The following DMRT1 variants were observed in gnomAD, a reference collection of about 807,000 sequenced individuals.
The protein encoded by DMRT1 is doublesex and mab-3 related transcription factor 1, also known as doublesex- and mab-3-related transcription factor 1.
Under a neutral mutation model 32.3 loss-of-function variants are expected in DMRT1, and 7 were observed. The observed-to-expected ratio is 0.22, with a 90% CI of 0.12 to 0.41. The LOEUF is 0.41. Ranked by LOEUF, DMRT1 falls within the 10% of genes least tolerant of loss-of-function variation. DMRT1 has a pLI of 1.00. For missense variants in DMRT1, 625 were observed against 500.5 expected, an observed-to-expected ratio of 1.25 and a Z score of -2.37; for synonymous variants, 278 against 206.1, an observed-to-expected ratio of 1.35 and a Z score of -2.99.
intron 4 of DMRT1, among the ~76,000 whole-genome samples, chr9:938,576 C>G (rs1425648785): frequency 6.6e-6 from 1 of 152,160 alleles, no homozygotes; most frequent in African/African-American, 2.4e-5. Flanking sequence ...TATAGAAATA[C>G]AACTGATTTT....
chr9:850,525 GTTC>G, intron 2 of DMRT1, among the ~76,000 whole-genome samples: 1 of 152,282 alleles, frequency 6.6e-6, no homozygotes, highest in African/African-American at 2.4e-5. Flanking sequence ...AAAGATCATT[GTTC>G]TTCTAACCCC....
chr9:956,374 A>G (rs923140343), intron 4 of DMRT1, among the ~76,000 whole-genome samples: 4 of 152,164 alleles, frequency 2.6e-5, no homozygotes, highest in African/African-American at 9.7e-5. Context: ...ATGTACTTCA[A>G]ATGCATGTAT....
chr9:947,472 T>C (rs1202774077), intron 4 of DMRT1, among the ~76,000 whole-genome samples: 1 of 152,230 alleles, frequency 6.6e-6, no homozygotes, highest in Non-Finnish European at 1.5e-5. Flanking sequence ...TTCTAAATTA[T>C]CCTCTCTTGT....
chr9:913,257 T>C (rs938476494), intron 3 of DMRT1, among the ~76,000 whole-genome samples: 1 of 152,186 alleles, frequency 6.6e-6, no homozygotes, highest in African/African-American at 2.4e-5. Context: ...TTGTCAAACC[T>C]GAAGTAGATG....
intron 1 of DMRT1, among the ~76,000 whole-genome samples, chr9:846,519 A>G (rs760642894): frequency 3.9e-5 from 6 of 152,056 alleles, no homozygotes; most frequent in African/African-American, 7.2e-5. Flanking sequence ...TTGGCTGACT[A>G]TAGTTTTTTC....
intron 3 of DMRT1, among the ~76,000 whole-genome samples, chr9:910,302 T>C (rs1817927468): frequency 6.6e-6 from 1 of 151,066 alleles, no homozygotes; most frequent in Non-Finnish European, 1.5e-5. Context: ...CAAAAACAAA[T>C]GAAAAAACTT....
In DMRT1 at chr9:841,737, C is replaced by T. The variant is rs1418489213; in HGVS notation, c.-102C>T. On this transcript the variant is annotated 5_prime_UTR_variant, in exon 1 of 5. Coordinates refer to ENST00000382276, the MANE Select transcript of DMRT1 (RefSeq NM_021951.3). ...CCGGCTGCAGCGCACACGTCTCCTG[C>T]GCCTCCTCCTCCGGAGCGTCGCTGT... The T allele has an allele frequency of 1.9e-6, 3 of 1,545,948 alleles. No individual in the cohort carries two copies. Among genetic ancestry groups the T allele is most frequent in the Non-Finnish European group, 1.7e-6 (2 of 1,146,590 alleles).
chr9:943,514 T>C (rs1204524268), intron 4 of DMRT1, among the ~76,000 whole-genome samples: 1 of 152,234 alleles, frequency 6.6e-6, no homozygotes, highest in Non-Finnish European at 1.5e-5. Context: ...CACTTGACAG[T>C]ACATTTACCC....
intron 4 of DMRT1, among the ~76,000 whole-genome samples, chr9:918,144 T>C (rs567227443): frequency 1.3e-5 from 2 of 152,354 alleles, no homozygotes; most frequent in Admixed American, 6.5e-5. Context: ...GTTGAGTGAA[T>C]GAATGAATGA....
rs201141931 is a variant in DMRT1, at chr9:911,470, ATTTTTTTTTTTTTTTTTTTTT to A, written c.823-5272_823-5252del. On this transcript the variant is annotated intron_variant, in intron 3 of 4. Transcript: ENST00000382276. ...CCATGCCTTTTTCTGGGTTAATTGC[ATTTTTTTTTTTTTTTTTTTTT>A]TTTTTTTTTTTTTTTTTTTTAGATG... Among the ~76,000 whole-genome samples, 146 of 67,000 alleles carry A rather than the reference ATTTTTTTTTTTTTTTTTTTTT, an allele frequency of 2.2e-3. 1 individual carries two copies. In the East Asian group the frequency reaches 0.038, roughly 17 times the overall value. The allele number at this position is 67,000 out of a possible 152,430, so 44.0% of individuals were successfully genotyped here. A position where few individuals can be genotyped will look rare whatever the true frequency, so the allele number is the denominator to read the frequency against.
chr9:895,772 C>A lies in DMRT1; in HGVS notation c.822+1577C>A, dbSNP rs147698106. On this transcript the variant is annotated intron_variant, in intron 3 of 4. Transcript: ENST00000382276. ...CAGTCACCATGCTGTATGTTAGATTCCCAGAATTTACTCATCTTATAACTG... is the reference window on the plus strand; with the variant it reads ...CAGTCACCATGCTGTATGTTAGATTACCAGAATTTACTCATCTTATAACTG... Among the ~76,000 whole-genome samples the A allele has an allele frequency of 4.5e-4, 68 of 151,352 alleles. 2 individuals carry two copies. The East Asian group carries it at 0.013, about 28-fold the overall frequency.
chr9:873,053 G>T (rs966254424), intron 2 of DMRT1, among the ~76,000 whole-genome samples: 3 of 152,176 alleles, frequency 2.0e-5, no homozygotes, highest in African/African-American at 7.2e-5. Flanking sequence ...TGAGCAGTTT[G>T]CTAGGTAACC....
At chr9:955,536 C>A (rs1048148749) in intron 4 of DMRT1, among the ~76,000 whole-genome samples, 7 of 152,210 alleles carry the variant, frequency 4.6e-5, no homozygotes, top group African/African-American at 1.7e-4. Flanking sequence ...GAAACCCTGC[C>A]TCTACTAAAA....
intron 2 of DMRT1, among the ~76,000 whole-genome samples, chr9:854,247 G>C (rs912516158): frequency 6.6e-6 from 1 of 152,058 alleles, no homozygotes; most frequent in African/African-American, 2.4e-5. Flanking sequence ...CTCCCAGGTA[G>C]CTGGGACTAC....
chr9:862,173 C>G (rs1169551460), intron 2 of DMRT1, among the ~76,000 whole-genome samples: 1 of 150,576 alleles, frequency 6.6e-6, no homozygotes, highest in South Asian at 2.1e-4. Flanking sequence ...GAGGTTGTAG[C>G]GAGCCGAGAT....
chr9:847,593 C>T (rs28528183), intron 2 of DMRT1, among the ~76,000 whole-genome samples: 4,254 of 152,284 alleles, frequency 0.028, 97 homozygotes, highest in Middle Eastern at 0.071. Flanking sequence ...AGGAAGGCCA[C>T]GTTGGCTTGA....
At chr9:913,911 G>C (rs1481468838) in intron 3 of DMRT1, among the ~76,000 whole-genome samples, 1 of 151,966 alleles carries the variant, frequency 6.6e-6, no homozygotes, top group East Asian at 1.9e-4. Context: ...TTTTTTAAAG[G>C]GTTTCCTTTG....
rs143902167 is a variant in DMRT1 at position 941,055 on chromosome 9, T to C, written c.967+24148T>C. On this transcript the variant is annotated intron_variant, in intron 4 of 4. Coordinates refer to ENST00000382276, the MANE Select transcript of DMRT1 (RefSeq NM_021951.3). ...AAATGTTGACAAGGATGTGGAATAA[T>C]TGGGACCCTTGGGCACTATTGGTGG... is the stretch of plus-strand genomic sequence containing the variant. Among the ~76,000 whole-genome samples, 233 of 152,318 alleles carry C rather than the reference T, an allele frequency of 1.5e-3. 2 individuals carry two copies. Among genetic ancestry groups the C allele is most frequent in the African/African-American group, 5.6e-3 (231 of 41,570 alleles).
At chr9:938,119 G>T (rs561490244) in intron 4 of DMRT1, among the ~76,000 whole-genome samples, 1 of 152,020 alleles carries the variant, frequency 6.6e-6, no homozygotes, top group African/African-American at 2.4e-5. Flanking sequence ...CCAGTGAGTG[G>T]TCTTAGCACA....
Sources: gnomAD v4.1 joint callset for allele counts (sites outside exome capture counted in the v4.1 genomes callset) on GRCh38, gnomAD v4.1.1 for gene constraint, MANE v1.5 for transcripts, NCBI Gene and HGNC (gene_info 2026-07-23, HGNC 2026-07-21) for gene names.